The following THAP4 variants were observed in gnomAD, a reference collection of about 807,000 sequenced individuals.
THAP4 encodes THAP domain containing 4, also known as peroxynitrite isomerase THAP4.
Under a neutral mutation model 48.1 loss-of-function variants are expected in THAP4, and 18 were observed. The ratio of observed to expected loss-of-function variants is 0.37; its 90% CI spans 0.26 to 0.56. The LOEUF is 0.56. Ranked by LOEUF, THAP4 falls within the 20% of genes least tolerant of loss-of-function variation. The pLI is 0.78. For synonymous variants in THAP4, 345 were observed against 324.9 expected (o/e 1.06, Z -0.66); for missense variants, 656 against 774.9 (o/e 0.85, Z 1.82).
chr2:241,619,829 G>GT (rs2067395712), intron 2 of THAP4, among the ~76,000 whole-genome samples: 1 of 126,060 alleles, frequency 7.9e-6, no homozygotes, highest in Non-Finnish European at 1.7e-5. Context: ...TGAGTTGTGA[G>GT]TCGTGAGTGA....
chr2:241,620,887 C>T (rs1559231227), intron 2 of THAP4, among the ~76,000 whole-genome samples: 4 of 152,006 alleles, frequency 2.6e-5, no homozygotes, highest in Admixed American at 2.0e-4. Context: ...TTGACCAAAA[C>T]ATCATCATGT....
chr2:241,634,208 A>T (rs530450569), intron 1 of THAP4, 129 bp from the exon 2 acceptor site: 43 of 649,870 alleles, frequency 6.6e-5, no homozygotes, highest in Non-Finnish European at 5.5e-5. Context: ...ACTTAAAAAA[A>T]TACTTCAAAA....
chr2:241,637,450 C>A, upstream of THAP4: 1 of 1,472,258 alleles, frequency 6.8e-7, no homozygotes. Flanking sequence ...AAGCGCCACC[C>A]ATGGCACACA....
intron 5 of THAP4, among the ~76,000 whole-genome samples, chr2:241,589,399 A>C (rs1186906261): frequency 6.6e-6 from 1 of 152,206 alleles, no homozygotes; most frequent in Non-Finnish European, 1.5e-5. Flanking sequence ...CTCAGGAATA[A>C]CACAAACACT....
chr2:241,619,851 GGGGT>G (rs2125090078), intron 2 of THAP4, among the ~76,000 whole-genome samples: 1 of 126,342 alleles, frequency 7.9e-6, no homozygotes. Flanking sequence ...GGGTGAGTGA[GGGGT>G]GAGTGAGGAG....
At chr2:241,604,559 G>A (rs555448670) in intron 3 of THAP4, among the ~76,000 whole-genome samples, 3 of 151,788 alleles carry the variant, frequency 2.0e-5, no homozygotes, top group South Asian at 2.1e-4. Flanking sequence ...CCACACACCC[G>A]GCTAATTTTT....
chr2:241,608,096 T>C (rs2067210712), intron 2 of THAP4, among the ~76,000 whole-genome samples: 1 of 152,124 alleles, frequency 6.6e-6, no homozygotes, highest in South Asian at 2.1e-4. Flanking sequence ...CTTTGGATTA[T>C]AAATTCCAGG....
At chr2:241,599,990 C>G (rs2067093036) in intron 5 of THAP4, among the ~76,000 whole-genome samples, 1 of 152,138 alleles carries the variant, frequency 6.6e-6, no homozygotes. Context: ...AGGCGGATCA[C>G]TTGAGGTCAG....
chr2:241,617,471 C>A, intron 2 of THAP4: 1 of 1,548,926 alleles, frequency 6.5e-7, no homozygotes, highest in South Asian at 1.2e-5. Context: ...TTGTTTTCTG[C>A]CAATTGACGG....
Position 241,599,768 on chromosome 2 carries a change from A to T in THAP4, c.1614+2128T>A, listed in dbSNP as rs567568702. Among the ~76,000 whole-genome samples the T allele has an allele frequency of 3.9e-4, 59 of 152,324 alleles. No individual in the cohort carries two copies. In the East Asian group the frequency reaches 0.01, roughly 27 times the overall value. ...ATAAGCCTTGAGATGTTTATTCAAA[A>T]GTTCATCTAGAAGAGGAAATGCTTA... On this transcript the variant is annotated intron_variant, in intron 5 of 5. Transcript: ENST00000407315.
In THAP4 at chr2:241,610,300, C is replaced by CG. The variant is rs751479554; in HGVS notation, c.1241-3828_1241-3827insC. On this transcript the variant is annotated intron_variant, in intron 2 of 5. Transcript: ENST00000407315. The surrounding 1 kb of genome is among the most constrained non-coding windows in gnomAD (Gnocchi z 4.2). ...CCCCGCCCCGGAAGCGCAGCCCCGC[C>CG]TCAGGCGCCGCATCTCCGCCCTCTC... 2.6e-5 allele frequency among the ~76,000 whole-genome samples: 4 copies of CG among 152,310 alleles called. No individual in the cohort carries two copies. The highest frequency in any genetic ancestry group is 5.9e-5 in the Non-Finnish European group (4 of 68,012).
chr2:241,622,869 G>C (rs1328754366), intron 2 of THAP4, among the ~76,000 whole-genome samples: 1 of 152,088 alleles, frequency 6.6e-6, no homozygotes, highest in Non-Finnish European at 1.5e-5. Context: ...TCTCAAAGCT[G>C]AGATTACAGG....
intron 2 of THAP4, among the ~76,000 whole-genome samples, chr2:241,632,380 G>A (rs1055680972): frequency 5.3e-5 from 8 of 152,106 alleles, no homozygotes; most frequent in African/African-American, 1.9e-4. Flanking sequence ...GATTACAGGT[G>A]TGAGCCACCG....
At chr2:241,635,896 G>C (rs544312489) in intron 1 of THAP4, among the ~76,000 whole-genome samples, 2 of 152,322 alleles carry the variant, frequency 1.3e-5, no homozygotes, top group South Asian at 4.1e-4. Context: ...TAACAGGATG[G>C]ACTGGGCCGT....
chr2:241,635,235 C>T (rs2067620145), intron 1 of THAP4, among the ~76,000 whole-genome samples: 2 of 152,108 alleles, frequency 1.3e-5, no homozygotes, highest in Non-Finnish European at 2.9e-5. Flanking sequence ...CAGTGAGCTA[C>T]GGTCATACCA....
At chr2:241,587,331 C>A (rs1045439417) in intron 5 of THAP4, among the ~76,000 whole-genome samples, 2 of 152,188 alleles carry the variant, frequency 1.3e-5, no homozygotes, top group Admixed American at 1.3e-4. Context: ...TTGGACACCT[C>A]CAGGCCCCCC....
chr2:241,619,906 G>GT (rs2067398621), intron 2 of THAP4, among the ~76,000 whole-genome samples: 2 of 112,474 alleles, frequency 1.8e-5, no homozygotes, highest in Non-Finnish European at 3.7e-5. Context: ...TCGTGAGTGA[G>GT]GGGTGAATGA....
intron 1 of THAP4, among the ~76,000 whole-genome samples, chr2:241,634,512 T>C (rs542417977): frequency 4.6e-5 from 7 of 152,274 alleles, no homozygotes; most frequent in Admixed American, 4.6e-4. Flanking sequence ...CCACAGACAC[T>C]AGGGCGTGAG....
intron 3 of THAP4, 91 bp downstream of exon 3, chr2:241,606,223 T>C (rs1476142273): frequency 5.6e-6 from 7 of 1,249,358 alleles, no homozygotes; most frequent in Admixed American, 2.8e-5. Context: ...ACCTTCCTGC[T>C]TGGCCTTTGT....
Sources: allele counts gnomAD v4.1 joint callset (sites outside exome capture counted in the v4.1 genomes callset), GRCh38; gene constraint gnomAD v4.1.1; non-coding constraint Gnocchi (gnomAD v3.1); transcripts MANE v1.5; gene names NCBI Gene and HGNC (gene_info 2026-07-23, HGNC 2026-07-21).